Variants in DNAH7 observed in about 807,000 individuals in gnomAD.
DNAH7 encodes dynein axonemal heavy chain 7.
A neutral mutation model predicts 444.6 loss-of-function variants in DNAH7; 397 were observed. The observed-to-expected ratio is 0.89, with a 90% CI of 0.82 to 0.97. The LOEUF (loss-of-function observed/expected upper bound fraction) is 0.97, where lower values mean the gene tolerates loss of function less well. DNAH7 is among the 50% of genes least tolerant of loss of function. The pLI, the probability that DNAH7 is intolerant of heterozygous loss-of-function variation, is 0.00. For missense variants in DNAH7, 4,902 were observed against 4,800.8 expected, an observed-to-expected ratio of 1.02 and a Z score of -0.62; for synonymous variants, 1,636 against 1,624.4, an observed-to-expected ratio of 1.01 and a Z score of -0.17.
At chr2:195,813,216 G>C (rs1159143779) in intron 51 of DNAH7, among the ~76,000 whole-genome samples, 3 of 152,194 alleles carry the variant, frequency 2.0e-5, no homozygotes, top group Non-Finnish European at 4.4e-5. Context: ...TTGTGTTACA[G>C]TATTAGGACA....
intron 15 of DNAH7, among the ~76,000 whole-genome samples, chr2:195,973,023 C>T (rs751608326): frequency 3.3e-5 from 5 of 152,120 alleles, no homozygotes; most frequent in African/African-American, 7.2e-5. Flanking sequence ...GGGTAGTTCC[C>T]GTATCTTGGA....
intron 64 of DNAH7, among the ~76,000 whole-genome samples, 141 bp downstream of exon 64, chr2:195,740,609 GTGTGTGTATATATATA>G (rs1456744253): frequency 9.0e-4 from 51 of 56,814 alleles, no homozygotes; most frequent in African/African-American, 3.4e-3. Context: ...GTGTGTGTGT[GTGTGTGTATATATATA>G]TATATATATA....
intron 2 of DNAH7, among the ~76,000 whole-genome samples, chr2:196,052,578 T>A (rs1205449242): frequency 6.6e-6 from 1 of 152,260 alleles, no homozygotes; most frequent in Non-Finnish European, 1.5e-5. Flanking sequence ...TTCTATACGC[T>A]GTGGGGTAAA....
intron 28 of DNAH7, among the ~76,000 whole-genome samples, chr2:195,898,686 C>T (rs553548349): frequency 1.3e-5 from 2 of 152,260 alleles, no homozygotes; most frequent in East Asian, 1.9e-4. Context: ...GCTGGCTGCA[C>T]GCCCAGAACG....
intron 31 of DNAH7, 81 bp from the exon 32 acceptor site, chr2:195,889,062 A>G: frequency 7.6e-7 from 1 of 1,309,370 alleles, no homozygotes; most frequent in Non-Finnish European, 1.1e-6. Flanking sequence ...TTATTTCAAA[A>G]TTTTAAAATA....
intron 19 of DNAH7, among the ~76,000 whole-genome samples, chr2:195,947,110 ATATAAT>A (rs3052595): frequency 3.4e-4 from 50 of 147,864 alleles, no homozygotes; most frequent in African/African-American, 1.2e-3. Flanking sequence ...ATTATAATAT[ATATAAT>A]TATAATTATA....
At chr2:195,827,661 A>T (rs1415622722) in intron 48 of DNAH7, among the ~76,000 whole-genome samples, 1 of 152,120 alleles carries the variant, frequency 6.6e-6, no homozygotes, top group Admixed American at 6.6e-5. Context: ...AGTTCACTCT[A>T]GCCTCAACCT....
At chr2:196,036,730 C>T (rs1046126014) in intron 5 of DNAH7, among the ~76,000 whole-genome samples, 2 of 152,170 alleles carry the variant, frequency 1.3e-5, no homozygotes, top group African/African-American at 4.8e-5. Flanking sequence ...TGGGTGTGAT[C>T]CATTCTAGCA....
At chr2:195,944,302 C>T (rs1004225621) in intron 19 of DNAH7, among the ~76,000 whole-genome samples, 4 of 152,120 alleles carry the variant, frequency 2.6e-5, no homozygotes, top group African/African-American at 9.7e-5. Context: ...TCTACCATTT[C>T]TATCTAATTG....
At chr2:195,809,121 G>T (rs1232436978) in intron 52 of DNAH7, among the ~76,000 whole-genome samples, 1 of 152,058 alleles carries the variant, frequency 6.6e-6, no homozygotes, top group Non-Finnish European at 1.5e-5. Context: ...AGAATTACTT[G>T]TCTAAATGTG....
chr2:195,978,823 C>T (rs536559209), intron 15 of DNAH7, among the ~76,000 whole-genome samples: 1 of 151,940 alleles, frequency 6.6e-6, no homozygotes, highest in Admixed American at 6.6e-5. Flanking sequence ...TATTAAGAGA[C>T]AAAGAAGGTC....
chr2:195,815,623 A>T (rs1697180973), intron 51 of DNAH7, among the ~76,000 whole-genome samples: 1 of 152,260 alleles, frequency 6.6e-6, no homozygotes, highest in Non-Finnish European at 1.5e-5. Flanking sequence ...ATTTAGGTTC[A>T]TACTGATCAA....
At chr2:195,863,463 C>A (rs1700138401) in intron 41 of DNAH7, among the ~76,000 whole-genome samples, 1 of 152,172 alleles carries the variant, frequency 6.6e-6, no homozygotes, top group African/African-American at 2.4e-5. Context: ...CTTCCCCACC[C>A]CTCGTTCCTA....
chr2:195,913,581 T>C (rs1001948681), intron 24 of DNAH7, among the ~76,000 whole-genome samples: 3 of 152,206 alleles, frequency 2.0e-5, no homozygotes, highest in East Asian at 3.8e-4. Context: ...TAAATATAAA[T>C]GTGTTATACT....
At chr2:195,813,453 G>A (rs1405530970) in intron 51 of DNAH7, among the ~76,000 whole-genome samples, 2 of 152,146 alleles carry the variant, frequency 1.3e-5, no homozygotes, top group African/African-American at 2.4e-5. Flanking sequence ...TAAACATCAA[G>A]GGAGATAGCC....
chr2:195,754,861 G>T (rs1238981429), intron 62 of DNAH7, among the ~76,000 whole-genome samples: 2 of 152,182 alleles, frequency 1.3e-5, no homozygotes, highest in Non-Finnish European at 2.9e-5. Context: ...TGTATCCAAA[G>T]ACATTTGTTG....
chr2:195,957,497 T>C (rs1481321278), intron 18 of DNAH7, 50 bp from the exon 19 acceptor site: 2 of 1,418,330 alleles, frequency 1.4e-6, no homozygotes, highest in Non-Finnish European at 1.9e-6. Context: ...CAAGCAAATG[T>C]TTCAAATGAC....
Position 195,771,906 on chromosome 2 carries a change from A to G in DNAH7, c.11203-16T>C, listed in dbSNP as rs1184794190. The stretch of plus-strand genomic sequence containing the variant: ...CTGAACGAGACTATGAAGAATCCAA[A>G]CTATAACTCAAAAATCCTCATAAAG... On this transcript the variant is annotated splice_polypyrimidine_tract_variant and intron_variant, in intron 60 of 64. Transcript: ENST00000312428. 2 of 1,608,556 alleles carry G rather than the reference A, an allele frequency of 1.2e-6. No individual in the cohort carries two copies. Among genetic ancestry groups the G allele is most frequent in the Admixed American group, 1.7e-5 (1 of 59,994 alleles).
At chr2:195,910,625 T>C (rs1327508717) in intron 24 of DNAH7, among the ~76,000 whole-genome samples, 1 of 152,182 alleles carries the variant, frequency 6.6e-6, no homozygotes, top group East Asian at 1.9e-4. Flanking sequence ...CACTAAAAGA[T>C]TGTTTCGGGA....
Sources: allele counts gnomAD v4.1 joint callset (sites outside exome capture counted in the v4.1 genomes callset), GRCh38; gene constraint gnomAD v4.1.1; transcripts MANE v1.5; gene names NCBI Gene and HGNC (gene_info 2026-07-23, HGNC 2026-07-21).